MCTP2: variants seen among roughly 807,000 people sequenced by gnomAD.
MCTP2 encodes multiple C2 and transmembrane domain containing 2.
A neutral mutation model predicts 111.6 loss-of-function variants in MCTP2; 132 were observed. That is an observed-to-expected ratio of 1.18 (90% CI 1.03 to 1.37). The LOEUF is 1.37. Among genes scored for constraint, MCTP2 ranks in the 40% most tolerant of loss-of-function variants. The pLI, the probability that MCTP2 is intolerant of heterozygous loss-of-function variation, is 0.00. For missense variants in MCTP2, 1,183 were observed against 1,067.9 expected, an observed-to-expected ratio of 1.11 and a Z score of -1.50; for synonymous variants, 395 against 387.7, an observed-to-expected ratio of 1.02 and a Z score of -0.22.
intron 14 of MCTP2, among the ~76,000 whole-genome samples, chr15:94,392,377 A>AC (rs1471638734): frequency 6.6e-6 from 1 of 151,918 alleles, no homozygotes; most frequent in Non-Finnish European, 1.5e-5. Context: ...ATCTCAAAAA[A>AC]AAAAATAGTA....
intron 1 of MCTP2, among the ~76,000 whole-genome samples, chr15:94,244,126 A>C (rs369568786): frequency 7.1e-6 from 1 of 140,452 alleles, no homozygotes; most frequent in Non-Finnish European, 1.5e-5. Context: ...TTATATACAC[A>C]TGTATACACA....
intron 8 of MCTP2, among the ~76,000 whole-genome samples, chr15:94,354,102 T>C (rs1372703733): frequency 6.6e-6 from 1 of 152,030 alleles, no homozygotes; most frequent in Non-Finnish European, 1.5e-5. Flanking sequence ...AATATTCCTA[T>C]ACATATATTC....
In MCTP2 at chr15:94,367,247, G is replaced by A. The variant is rs35785740; in HGVS notation, c.1302-358G>A. Among the ~76,000 whole-genome samples, 407 of 152,104 alleles carry A rather than the reference G, an allele frequency of 2.7e-3. 1 individual carries two copies. The highest frequency in any genetic ancestry group is 3.7e-3 in the Admixed American group (57 of 15,284). On this transcript the variant is annotated intron_variant, in intron 10 of 22. Transcript: ENST00000357742. The stretch of plus-strand genomic sequence containing the variant: ...TTTACTCATAAAAGGCACAGCCCAC[G>A]GAAGCCATACAGCATGCTTACTCAT...
At chr15:94,452,201 C>T (rs980130973) in intron 19 of MCTP2, among the ~76,000 whole-genome samples, 2 of 152,168 alleles carry the variant, frequency 1.3e-5, no homozygotes, top group African/African-American at 4.8e-5. Context: ...CTATGTAATA[C>T]TTCCTGTGAT....
chr15:94,400,357 G>T (rs781485737), intron 16 of MCTP2, among the ~76,000 whole-genome samples: 1 of 152,148 alleles, frequency 6.6e-6, no homozygotes, highest in Non-Finnish European at 1.5e-5. Context: ...TCTGCCCTTT[G>T]AAGTTTCAGG....
At chr15:94,375,735 A>G (rs1480461435) in intron 12 of MCTP2, among the ~76,000 whole-genome samples, 2 of 152,306 alleles carry the variant, frequency 1.3e-5, no homozygotes, top group Non-Finnish European at 1.5e-5. Context: ...CAAAATATCT[A>G]TCAGAGGAAA....
At chr15:94,415,581 T>G (rs983781203) in intron 17 of MCTP2, among the ~76,000 whole-genome samples, 4 of 152,092 alleles carry the variant, frequency 2.6e-5, no homozygotes, top group Non-Finnish European at 4.4e-5. Flanking sequence ...AGGTTATTAT[T>G]TCAGCTAAAT....
At chr15:94,390,089 T>TATATATATATATATATATATACAC (rs1567602819) in intron 14 of MCTP2, among the ~76,000 whole-genome samples, 1 of 13,606 alleles carries the variant, frequency 7.3e-5, no homozygotes, top group African/African-American at 1.5e-4. Flanking sequence ...TATATATATA[T>TATATATATATATATATATATACAC]GTATATATAT....
chr15:94,354,037 CAT>C (rs1322593898), intron 8 of MCTP2, among the ~76,000 whole-genome samples: 4 of 150,980 alleles, frequency 2.6e-5, no homozygotes, highest in South Asian at 2.1e-4. Context: ...TAATAATAAT[CAT>C]ATATTATTCC....
chr15:94,438,314 T>G (rs2083589794), intron 17 of MCTP2, among the ~76,000 whole-genome samples: 1 of 152,112 alleles, frequency 6.6e-6, no homozygotes, highest in South Asian at 2.1e-4. Context: ...TTTTATTTTG[T>G]TATTACTAAT....
At chr15:94,366,729 G>T (rs1271294049) in intron 10 of MCTP2, among the ~76,000 whole-genome samples, 3 of 152,056 alleles carry the variant, frequency 2.0e-5, no homozygotes, top group African/African-American at 7.2e-5. Flanking sequence ...TGACGTCTGG[G>T]AATACCATGC....
chr15:94,241,502 G>A (rs2070954057), intron 1 of MCTP2, among the ~76,000 whole-genome samples: 1 of 152,078 alleles, frequency 6.6e-6, no homozygotes, highest in South Asian at 2.1e-4. Context: ...CTTGCCTGTC[G>A]ATATCTTTTT....
chr15:94,387,524 C>T (rs184590942), intron 14 of MCTP2, among the ~76,000 whole-genome samples: 53 of 152,292 alleles, frequency 3.5e-4, no homozygotes, highest in South Asian at 2.3e-3. Context: ...AAGGAGTCCT[C>T]GATTGGGACT....
At chr15:94,407,517 G>T (rs190297043) in intron 17 of MCTP2, among the ~76,000 whole-genome samples, 3 of 152,178 alleles carry the variant, frequency 2.0e-5, no homozygotes, top group Non-Finnish European at 1.5e-5. Context: ...TGAGTATAGG[G>T]AAATAAAGAA....
chr15:94,246,936 T>C lies in MCTP2; in HGVS notation c.-66+15272T>C, dbSNP rs982778689. ...GGAATGCCTTATAAATACTAATGAG[T>C]GCTGACTGCCATCTTTGATAGTAAC... is the stretch of plus-strand genomic sequence containing the variant. On this transcript the variant is annotated intron_variant, in intron 1 of 22. Coordinates refer to ENST00000357742, the MANE Select transcript of MCTP2 (RefSeq NM_001385001.1). Among the ~76,000 whole-genome samples the C allele has an allele frequency of 4.2e-4, 64 of 152,196 alleles. 1 individual carries two copies. Among genetic ancestry groups the C allele is most frequent in the Admixed American group, 4.1e-3 (62 of 15,274 alleles).
chr15:94,403,268 C>T (rs995111679), intron 17 of MCTP2: 114 of 982,502 alleles, frequency 1.2e-4, no homozygotes, highest in Non-Finnish European at 1.3e-4. Context: ...AATCTGTATC[C>T]GTCATTGTCT....
At chr15:94,303,926 A>T (rs1266530435) in intron 2 of MCTP2, among the ~76,000 whole-genome samples, 1 of 152,196 alleles carries the variant, frequency 6.6e-6, no homozygotes, top group Non-Finnish European at 1.5e-5. Flanking sequence ...TGTAGAGAGA[A>T]GAAGGGATTA....
At chr15:94,244,371 C>T (rs548329469) in intron 1 of MCTP2, among the ~76,000 whole-genome samples, 29 of 148,238 alleles carry the variant, frequency 2.0e-4, no homozygotes, top group Non-Finnish European at 3.0e-4. Context: ...TGTATATATA[C>T]GTATATGTAT....
Position 94,480,249 on chromosome 15 carries a change from G to T in MCTP2, c.*1215G>T, listed in dbSNP as rs1260027280. 2 of 151,580 alleles carry T rather than the reference G, an allele frequency of 1.3e-5. No individual in the cohort carries two copies. The highest frequency in any genetic ancestry group is 2.4e-5 in the African/African-American group (1 of 41,220). The allele number at this position is 151,580 out of a possible 1,614,324, so 9.4% of individuals were successfully genotyped here. On this transcript the variant is annotated 3_prime_UTR_variant, in exon 23 of 23. Coordinates refer to ENST00000357742, the MANE Select transcript of MCTP2 (RefSeq NM_001385001.1). The stretch of plus-strand genomic sequence containing the variant: ...TGTATTTTGTTGACACATACTTTGT[G>T]CAGTTTTTATGTATGTATGTATTAT...
Sources: gnomAD v4.1 joint callset for allele counts (sites outside exome capture counted in the v4.1 genomes callset) on GRCh38, gnomAD v4.1.1 for gene constraint, MANE v1.5 for transcripts, NCBI Gene and HGNC (gene_info 2026-07-23, HGNC 2026-07-21) for gene names.